Variants in EXOC4 observed in about 807,000 individuals in gnomAD.
The protein encoded by EXOC4 is SEC8-like 1.
Under a neutral mutation model 107.2 loss-of-function variants are expected in EXOC4, and 71 were observed. The observed-to-expected ratio is 0.66, with a 90% confidence interval of 0.55 to 0.81. The LOEUF (loss-of-function observed/expected upper bound fraction) is 0.81, where lower values mean the gene tolerates loss of function less well. Among genes scored for constraint, EXOC4 ranks in the 30% least tolerant of loss-of-function variants. The probability of loss-of-function intolerance (pLI) is 0.00; values close to 1 mark genes in which losing one functional copy is unlikely to be tolerated. For missense variants in EXOC4, 1,108 were observed against 1,189.6 expected (o/e 0.93, Z 1.01); for synonymous variants, 456 against 441.2 (o/e 1.03, Z -0.42).
intron 14 of EXOC4, among the ~76,000 whole-genome samples, chr7:133,975,947 C>T (rs1383822345): frequency 2.6e-5 from 4 of 152,102 alleles, no homozygotes; most frequent in Admixed American, 1.3e-4. Flanking sequence ...TTTTAACCAC[C>T]ACACTATTGT....
In EXOC4 at chr7:133,369,281, T is replaced by C. The variant is rs543970585; in HGVS notation, c.1008-5547T>C. Among the ~76,000 whole-genome samples, 5 of 152,340 alleles carry C rather than the reference T, an allele frequency of 3.3e-5. No individual in the cohort carries two copies. The South Asian group carries it at 1.0e-3, about 32-fold the overall frequency. On this transcript the variant is annotated intron_variant, in intron 6 of 17. Transcript: ENST00000253861. ...TTTGCTGCATCAGAGGAGCGTCGTC[T>C]TCCTTTCTCCTTTTCTTTTTAAAGG...
chr7:133,656,514 G>C (rs1003387204), intron 10 of EXOC4, among the ~76,000 whole-genome samples: 1 of 152,076 alleles, frequency 6.6e-6, no homozygotes, highest in South Asian at 2.1e-4. Context: ...AAAATGGTGA[G>C]TGATCCTATT....
chr7:133,961,881 C>G (rs1585281301), intron 14 of EXOC4, among the ~76,000 whole-genome samples: 1 of 152,192 alleles, frequency 6.6e-6, no homozygotes, highest in Non-Finnish European at 1.5e-5. Context: ...AGGTAGGAAG[C>G]AGGCTGTGGT....
At chr7:133,400,784 G>C (rs1296347540) in intron 7 of EXOC4, among the ~76,000 whole-genome samples, 1 of 152,156 alleles carries the variant, frequency 6.6e-6, no homozygotes, top group Non-Finnish European at 1.5e-5. Context: ...GTGTTACGTG[G>C]TAGGTTAATA....
intron 10 of EXOC4, among the ~76,000 whole-genome samples, chr7:133,742,001 A>G (rs1267164293): frequency 6.6e-6 from 1 of 152,230 alleles, no homozygotes; most frequent in Non-Finnish European, 1.5e-5. Context: ...CCCAAAGTCT[A>G]TAGAATTGTC....
chr7:133,279,021 C>T (rs1562999764), intron 2 of EXOC4, among the ~76,000 whole-genome samples: 1 of 151,828 alleles, frequency 6.6e-6, no homozygotes. Flanking sequence ...TTCCTGTGTC[C>T]ATGTGTTCTC....
At chr7:133,779,628 A>C (rs988587310) in intron 10 of EXOC4, among the ~76,000 whole-genome samples, 30 of 152,164 alleles carry the variant, frequency 2.0e-4, no homozygotes, top group African/African-American at 7.2e-4. Flanking sequence ...GTGCTCTGTA[A>C]AAATGCTCCA....
chr7:133,412,055 G>T (rs1015464821), intron 7 of EXOC4, among the ~76,000 whole-genome samples: 1 of 151,916 alleles, frequency 6.6e-6, no homozygotes, highest in African/African-American at 2.4e-5. Context: ...TCTAAGTGTG[G>T]CTTTGATAGG....
chr7:133,559,268 G>T (rs541262939), intron 9 of EXOC4, among the ~76,000 whole-genome samples: 2 of 152,148 alleles, frequency 1.3e-5, no homozygotes, highest in East Asian at 3.9e-4. Context: ...TATAATGTTT[G>T]TGTCGTGAAT....
At chr7:133,969,004 C>T (rs913740743) in intron 14 of EXOC4, among the ~76,000 whole-genome samples, 3 of 152,172 alleles carry the variant, frequency 2.0e-5, no homozygotes, top group Non-Finnish European at 2.9e-5. Flanking sequence ...GGAGTTTTCA[C>T]GTAGTGCCAT....
chr7:133,685,564 G>A (rs1794279625), intron 10 of EXOC4, among the ~76,000 whole-genome samples: 1 of 152,092 alleles, frequency 6.6e-6, no homozygotes, highest in African/African-American at 2.4e-5. Context: ...AATAACTTTA[G>A]AAATGAGATT....
rs917335059 is a variant in EXOC4 at position 133,687,875 on chromosome 7, GA to G, written c.1514+57743del. On this transcript the variant is annotated intron_variant, in intron 10 of 17. Transcript: ENST00000253861. ...ATCAGTTACCATGAAATGTGACTTG[GA>G]AAAAAAAACCCGTTAGATAAAGATA... Among the ~76,000 whole-genome samples, 514 of 149,534 alleles carry G rather than the reference GA, an allele frequency of 3.4e-3. 2 individuals are homozygous for G. The highest frequency in any genetic ancestry group is 0.012 in the African/African-American group (490 of 40,772).
chr7:133,905,910 G>A lies in EXOC4; in HGVS notation c.1871+10175G>A, dbSNP rs530384463. Among the ~76,000 whole-genome samples the A allele has an allele frequency of 9.2e-5, 14 of 152,144 alleles. No individual in the cohort carries two copies. The South Asian group carries it at 2.1e-3, about 23-fold the overall frequency. ...GGGGCTAGGCAGCTTGTTGACCCTC[G>A]GTATGCTCATTGAGGAAATTTCTAC... On this transcript the variant is annotated intron_variant, in intron 12 of 17. Coordinates refer to ENST00000253861, the MANE Select transcript of EXOC4 (RefSeq NM_021807.4).
intron 17 of EXOC4, among the ~76,000 whole-genome samples, chr7:134,019,033 G>A (rs376828994): frequency 2.0e-5 from 3 of 152,040 alleles, no homozygotes; most frequent in South Asian, 4.2e-4. Flanking sequence ...AGGTTCAAGC[G>A]ATTCTCCTGC....
chr7:134,004,084 A>G (rs1238091627), intron 15 of EXOC4, among the ~76,000 whole-genome samples: 1 of 152,076 alleles, frequency 6.6e-6, no homozygotes, highest in Non-Finnish European at 1.5e-5. Context: ...TTAGAGTGAG[A>G]TGCTGTTCTC....
chr7:133,895,698 C>A lies in EXOC4; in HGVS notation c.1834C>A (p.Leu612Ile), dbSNP rs140299875. Residue 612 changes from leucine to isoleucine, a missense_variant, in exon 12 of 18, where the codon CTC (leucine) becomes ATC (isoleucine). Transcript: ENST00000253861. Reference sequence around the variant, plus strand: ...ATTCCTCAACATGGTGTGCGTGAAGCTCCAGGAGTACAAGGACACCTGCAC... The same window carrying A: ...ATTCCTCAACATGGTGTGCGTGAAGATCCAGGAGTACAAGGACACCTGCAC... ...DQFLNMVCVK[L>I]QEYKDTCTAA... The A allele has an allele frequency of 7.5e-5, 121 of 1,614,148 alleles. No individual in the cohort carries two copies. In the East Asian group the frequency reaches 2.7e-3, roughly 35 times the overall value.
chr7:133,806,391 G>T (rs1211093179), intron 10 of EXOC4, among the ~76,000 whole-genome samples: 1 of 152,222 alleles, frequency 6.6e-6, no homozygotes, highest in Non-Finnish European at 1.5e-5. Context: ...TGAGTTATCA[G>T]GAGGACATCA....
chr7:133,552,341 A>C (rs911534888), intron 9 of EXOC4, among the ~76,000 whole-genome samples: 8 of 152,302 alleles, frequency 5.3e-5, no homozygotes, highest in Admixed American at 5.2e-4. Context: ...CAGCTGTTTT[A>C]ATAGACAGGG....
chr7:133,375,079 G>A (rs1796459587), intron 7 of EXOC4, 77 bp downstream of exon 7: 1 of 1,222,042 alleles, frequency 8.2e-7, no homozygotes, highest in Admixed American at 1.9e-5. Context: ...GCAACAACAA[G>A]CCACCTAAAA....
Sources: allele counts gnomAD v4.1 joint callset (sites outside exome capture counted in the v4.1 genomes callset), GRCh38; gene constraint gnomAD v4.1.1; transcripts MANE v1.5; gene names NCBI Gene and HGNC (gene_info 2026-07-23, HGNC 2026-07-21).